FRAS1: variants seen among roughly 807,000 people sequenced by gnomAD.
FRAS1 encodes the protein Fraser extracellular matrix complex subunit 1, also known as extracellular matrix organizing protein FRAS1.
FRAS1 carries 290 observed loss-of-function variants against 435.2 expected under a neutral mutation model. That is an observed-to-expected ratio of 0.67 (90% CI 0.61 to 0.73). FRAS1 has a LOEUF of 0.73. FRAS1 is among the 30% of genes least tolerant of loss of function. The pLI, the probability that FRAS1 is intolerant of heterozygous loss-of-function variation, is 0.00. For missense variants in FRAS1, 4,860 were observed against 5,001.5 expected (o/e 0.97, Z 0.85); for synonymous variants, 1,800 against 1,851.0 (o/e 0.97, Z 0.71).
chr4:78,240,131 G>A (rs888843337), intron 3 of FRAS1, among the ~76,000 whole-genome samples: 2 of 152,138 alleles, frequency 1.3e-5, no homozygotes, highest in African/African-American at 4.8e-5. Context: ...GTTATGCAGA[G>A]CCTTGTATGC....
chr4:78,319,497 T>C (rs970416720), intron 18 of FRAS1: 46 of 451,706 alleles, frequency 1.0e-4, no homozygotes, highest in Admixed American at 9.2e-4. Context: ...GTTGAGGAGA[T>C]GAAAGGGAAG....
chr4:78,407,231 A>T (rs1371253131), intron 30 of FRAS1, among the ~76,000 whole-genome samples: 1 of 152,164 alleles, frequency 6.6e-6, no homozygotes, highest in African/African-American at 2.4e-5. Flanking sequence ...TTTCCACTGA[A>T]TTGTTTCTAA....
At chr4:78,138,146 C>T (rs1003684340) in intron 2 of FRAS1, among the ~76,000 whole-genome samples, 4 of 152,202 alleles carry the variant, frequency 2.6e-5, no homozygotes. Context: ...CTGCAGAAAG[C>T]TTCATATCCA....
At chr4:78,258,799 G>A (rs1725926433) in intron 6 of FRAS1, among the ~76,000 whole-genome samples, 1 of 141,190 alleles carries the variant, frequency 7.1e-6, no homozygotes, top group South Asian at 2.4e-4. Flanking sequence ...CTGGTGCGCT[G>A]CACCCACTAA....
intron 14 of FRAS1, 77 bp from the exon 15 acceptor site, chr4:78,307,989 C>A: frequency 1.4e-6 from 2 of 1,430,710 alleles, no homozygotes; most frequent in Non-Finnish European, 1.9e-6. Flanking sequence ...CTTGTGTATT[C>A]TAAAATATTT....
At chr4:78,066,318 T>G (rs1047832852) in intron 2 of FRAS1, among the ~76,000 whole-genome samples, 30 of 152,170 alleles carry the variant, frequency 2.0e-4, no homozygotes, top group African/African-American at 6.8e-4. Context: ...CCCATCCTTT[T>G]GTCAGATACA....
intron 18 of FRAS1, among the ~76,000 whole-genome samples, chr4:78,326,002 A>T (rs191832488): frequency 6.6e-6 from 1 of 152,332 alleles, no homozygotes; most frequent in East Asian, 1.9e-4. Context: ...ATTGTGCAGA[A>T]TGACGCTGGA....
intron 47 of FRAS1, among the ~76,000 whole-genome samples, chr4:78,458,424 C>A (rs923385977): frequency 3.9e-5 from 6 of 152,138 alleles, no homozygotes; most frequent in African/African-American, 1.4e-4. Flanking sequence ...TAAACCCACA[C>A]AATTTCTCTT....
intron 29 of FRAS1, among the ~76,000 whole-genome samples, chr4:78,396,530 CTAAG>C (rs941167157): frequency 6.6e-6 from 1 of 152,140 alleles, no homozygotes; most frequent in African/African-American, 2.4e-5. Flanking sequence ...GTTTTTTTCT[CTAAG>C]TGTTTCGAAT....
At chr4:78,171,527 A>G (rs1442834293) in intron 2 of FRAS1, among the ~76,000 whole-genome samples, 1 of 151,770 alleles carries the variant, frequency 6.6e-6, no homozygotes. Flanking sequence ...GTTACTGTTA[A>G]CTCCCACCTC....
chr4:78,115,838 T>G (rs1008548829), intron 2 of FRAS1, among the ~76,000 whole-genome samples: 16 of 152,032 alleles, frequency 1.1e-4, no homozygotes, highest in African/African-American at 3.1e-4. Flanking sequence ...CTTCAGTTCT[T>G]CTCTGATCTT....
chr4:78,187,463 G>A (rs1722321287), intron 2 of FRAS1, among the ~76,000 whole-genome samples: 1 of 152,142 alleles, frequency 6.6e-6, no homozygotes, highest in Admixed American at 6.5e-5. Flanking sequence ...CAGGCCTCAG[G>A]TGTCCTACTG....
At chr4:78,371,085 TTTTTTG>T (rs1304585612) in intron 23 of FRAS1, among the ~76,000 whole-genome samples, 7 of 146,506 alleles carry the variant, frequency 4.8e-5, no homozygotes, top group African/African-American at 1.6e-4. Flanking sequence ...TTTTTTCTGT[TTTTTTG>T]TTTTTTTTTT....
At chr4:78,079,399 A>G (rs1229453621) in intron 2 of FRAS1, among the ~76,000 whole-genome samples, 1 of 152,144 alleles carries the variant, frequency 6.6e-6, no homozygotes, top group African/African-American at 2.4e-5. Flanking sequence ...GACAACTTAG[A>G]CAAGGTTCTT....
rs1198813364 is a variant in FRAS1, at chr4:78,372,707, T to C, written c.2870-11T>C. ...GAAAGGAAGATAATCTAATGCAGAC[T>C]TTCTTTTTAGAGTGTGATTGGAGCT... On this transcript the variant is annotated splice_polypyrimidine_tract_variant and intron_variant, in intron 23 of 73. Transcript: ENST00000512123. 1 of 1,612,066 alleles carries C rather than the reference T, an allele frequency of 6.2e-7. No individual in the cohort carries two copies. The highest frequency in any genetic ancestry group is 8.5e-7 in the Non-Finnish European group (1 of 1,179,752).
intron 2 of FRAS1, among the ~76,000 whole-genome samples, chr4:78,120,464 G>T (rs1288118975): frequency 6.6e-6 from 1 of 152,128 alleles, no homozygotes; most frequent in Non-Finnish European, 1.5e-5. Context: ...GCAAATCTCT[G>T]TCAGCTCTCT....
chr4:78,328,846 T>G (rs1465247291), intron 18 of FRAS1, among the ~76,000 whole-genome samples: 3 of 152,200 alleles, frequency 2.0e-5, no homozygotes, highest in Non-Finnish European at 4.4e-5. Context: ...GCTACTTATT[T>G]TATTTCTTAT....
At chr4:78,143,515 T>C (rs140761930) in intron 2 of FRAS1, among the ~76,000 whole-genome samples, 36 of 152,278 alleles carry the variant, frequency 2.4e-4, no homozygotes, top group Middle Eastern at 3.4e-3. Context: ...ATTTGACAAC[T>C]GCAAAACACA....
chr4:78,500,618 G>A (rs1720646252), intron 61 of FRAS1, among the ~76,000 whole-genome samples: 1 of 152,190 alleles, frequency 6.6e-6, no homozygotes, highest in Non-Finnish European at 1.5e-5. Flanking sequence ...AACAGTGCTA[G>A]GAGAACTTTT....
Sources: allele counts gnomAD v4.1 joint callset (sites outside exome capture counted in the v4.1 genomes callset), GRCh38; gene constraint gnomAD v4.1.1; transcripts MANE v1.5; gene names NCBI Gene and HGNC (gene_info 2026-07-23, HGNC 2026-07-21).